Variants in NYAP2 observed in about 807,000 individuals in gnomAD.
The protein encoded by NYAP2 is neuronal tyrosine-phosphorylated phosphoinositide-3-kinase adaptor 2.
A neutral mutation model predicts 50.4 loss-of-function variants in NYAP2; 23 were observed. The observed-to-expected ratio is 0.46, with a 90% CI of 0.33 to 0.65. NYAP2 has a LOEUF of 0.65. NYAP2 is among the 30% of genes least tolerant of loss of function. The probability of loss-of-function intolerance (pLI) is 0.02; values close to 1 mark genes in which losing one functional copy is unlikely to be tolerated. For synonymous variants in NYAP2, 394 were observed against 365.2 expected (o/e 1.08, Z -0.90); for missense variants, 885 against 861.0 (o/e 1.03, Z -0.35).
intron 6 of NYAP2, among the ~76,000 whole-genome samples, chr2:225,635,547 G>A (rs1181643801): frequency 6.6e-6 from 1 of 152,164 alleles, no homozygotes; most frequent in Admixed American, 6.5e-5. Flanking sequence ...CTAGGACCAA[G>A]ACTAGATGTT....
chr2:225,543,276 A>AT lies in NYAP2; in HGVS notation c.523+29612dup, dbSNP rs1285714641. On this transcript the variant is annotated intron_variant, in intron 4 of 6. Transcript: ENST00000636099. ...ACTTATTCCTTCTCTGATCTTTATT[A>AT]TTTTTTTTCTGTTACTAATTTTGGG... Among the ~76,000 whole-genome samples the AT allele has an allele frequency of 5.5e-4, 83 of 150,216 alleles. 1 individual carries two copies. Among genetic ancestry groups the AT allele is most frequent in the Admixed American group, 1.8e-3 (27 of 15,114 alleles).
At chr2:225,578,279 G>A (rs1324938912) in intron 4 of NYAP2, among the ~76,000 whole-genome samples, 1 of 151,956 alleles carries the variant, frequency 6.6e-6, no homozygotes, top group African/African-American at 2.4e-5. Flanking sequence ...AAAAAGGACT[G>A]GAGGGGAAAT....
exon 6 of NYAP2, chr2:225,627,124 C>T: frequency 6.3e-7 from 1 of 1,577,610 alleles, no homozygotes; most frequent in Non-Finnish European, 8.6e-7. Context: ...AACCACAGTT[C>T]AGGTAAGGCA....
chr2:225,557,909 A>C (rs928914235), intron 4 of NYAP2, among the ~76,000 whole-genome samples: 4 of 152,200 alleles, frequency 2.6e-5, no homozygotes, highest in African/African-American at 9.6e-5. Context: ...ACAAAGCTAC[A>C]ATTAAGGAAG....
At chr2:225,611,735 G>T (rs1692888313) in intron 5 of NYAP2, among the ~76,000 whole-genome samples, 1 of 151,896 alleles carries the variant, frequency 6.6e-6, no homozygotes, top group Admixed American at 6.6e-5. Context: ...TCAGGCAGAG[G>T]TCATGGTGTT....
chr2:225,562,632 G>A (rs1036942536), intron 4 of NYAP2, among the ~76,000 whole-genome samples: 15 of 152,106 alleles, frequency 9.9e-5, no homozygotes, highest in African/African-American at 3.4e-4. Context: ...AATTTGCTTG[G>A]AACATACAGA....
intron 3 of NYAP2, among the ~76,000 whole-genome samples, chr2:225,492,499 T>A (rs781561632): frequency 1.2e-4 from 18 of 152,220 alleles, no homozygotes; most frequent in Non-Finnish European, 2.5e-4. Context: ...GTATTTGGCA[T>A]AAATGTAAAG....
intron 4 of NYAP2, among the ~76,000 whole-genome samples, chr2:225,561,776 T>G (rs904403798): frequency 3.3e-4 from 50 of 152,272 alleles, no homozygotes; most frequent in African/African-American, 1.2e-3. Flanking sequence ...CTTTTTTATT[T>G]TAGTAGCCTG....
Position 225,477,079 on chromosome 2 carries a change from T to C in NYAP2, c.222-36292T>C, listed in dbSNP as rs187010085. Among the ~76,000 whole-genome samples, 839 of 152,238 alleles carry C rather than the reference T, an allele frequency of 5.5e-3. 2 individuals are homozygous for C. The highest frequency in any genetic ancestry group is 8.7e-3 in the Non-Finnish European group (594 of 68,012). On this transcript the variant is annotated intron_variant, in intron 3 of 6. Coordinates refer to ENST00000636099, the Ensembl canonical transcript of NYAP2. ...CCCCACATATATGTAGTACACATCA[T>C]ATCCAGCACTTGTGAGGTATATATA...
intron 3 of NYAP2, among the ~76,000 whole-genome samples, chr2:225,488,260 C>G (rs1484810769): frequency 6.6e-6 from 1 of 152,174 alleles, no homozygotes; most frequent in East Asian, 1.9e-4. Context: ...GAATGATAAT[C>G]CTTAACCTTT....
chr2:225,407,243 A>G (rs758950349), intron 2 of NYAP2, among the ~76,000 whole-genome samples: 1 of 152,042 alleles, frequency 6.6e-6, no homozygotes, highest in Non-Finnish European at 1.5e-5. Flanking sequence ...TTAATTTACT[A>G]TTCTTCATGT....
At chr2:225,598,861 C>A (rs1342343478) in intron 5 of NYAP2, among the ~76,000 whole-genome samples, 1 of 152,162 alleles carries the variant, frequency 6.6e-6, no homozygotes, top group Non-Finnish European at 1.5e-5. Context: ...ATATTCACTC[C>A]TCACACTTAA....
chr2:225,586,101 T>G (rs1251187269), intron 5 of NYAP2, among the ~76,000 whole-genome samples: 1 of 152,180 alleles, frequency 6.6e-6, no homozygotes, highest in African/African-American at 2.4e-5. Context: ...TTTTAAGTAT[T>G]TACTAATATT....
intron 5 of NYAP2, among the ~76,000 whole-genome samples, chr2:225,595,787 A>T (rs1692586120): frequency 6.6e-6 from 1 of 152,106 alleles, no homozygotes; most frequent in Non-Finnish European, 1.5e-5. Flanking sequence ...GTCCAGCCAT[A>T]GTTCTCCATT....
intron 6 of NYAP2, among the ~76,000 whole-genome samples, chr2:225,631,804 TG>T (rs1418348496): frequency 1.3e-5 from 2 of 152,170 alleles, no homozygotes; most frequent in African/African-American, 4.8e-5. Context: ...GGTAGTGTTT[TG>T]CTTTGTTTTG....
At chr2:225,638,675 A>C (rs1298947994) in intron 6 of NYAP2, among the ~76,000 whole-genome samples, 1 of 152,184 alleles carries the variant, frequency 6.6e-6, no homozygotes, top group East Asian at 1.9e-4. Flanking sequence ...GGAGGCCTTC[A>C]GGGACACTGG....
At chr2:225,573,717 C>G (rs1692117588) in intron 4 of NYAP2, among the ~76,000 whole-genome samples, 1 of 152,170 alleles carries the variant, frequency 6.6e-6, no homozygotes, top group Non-Finnish European at 1.5e-5. Flanking sequence ...AGCAATCTTT[C>G]TCCTCTGTGT....
exon 7 of NYAP2, chr2:225,651,679 G>C: frequency 9.2e-7 from 1 of 1,087,102 alleles, no homozygotes; most frequent in Admixed American, 2.4e-5. Context: ...GGGATGCGGG[G>C]GATGAGTTCT....
At chr2:225,606,850 G>A (rs957775960) in intron 5 of NYAP2, among the ~76,000 whole-genome samples, 26 of 151,974 alleles carry the variant, frequency 1.7e-4, no homozygotes, top group Non-Finnish European at 7.4e-5. Context: ...ATATAACATT[G>A]TTGCTTCTCC....
Sources: gnomAD v4.1 joint callset for allele counts (sites outside exome capture counted in the v4.1 genomes callset) on GRCh38, gnomAD v4.1.1 for gene constraint, MANE v1.5 for transcripts, NCBI Gene and HGNC (gene_info 2026-07-23, HGNC 2026-07-21) for gene names.